Variants in MGAM observed in about 807,000 individuals in gnomAD.
MGAM encodes alpha-1,4-glucosidase.
A neutral mutation model predicts 358.8 loss-of-function variants in MGAM; 253 were observed. The observed-to-expected ratio is 0.71, with a 90% CI of 0.64 to 0.78. The LOEUF is 0.78. Ranked by LOEUF, MGAM falls within the 30% of genes least tolerant of loss-of-function variation. The pLI is 0.00. For synonymous variants in MGAM, 1,105 were observed against 1,227.1 expected (o/e 0.90, Z 2.08); for missense variants, 3,080 against 3,432.6 (o/e 0.90, Z 2.57).
chr7:142,048,103 C>A (rs886982953), intron 22 of MGAM, among the ~76,000 whole-genome samples: 6 of 151,156 alleles, frequency 4.0e-5, no homozygotes, highest in Non-Finnish European at 5.9e-5. Flanking sequence ...ACAGTGATAT[C>A]TATAATAGGC....
chr7:142,002,481 A>G (rs1164150439), intron 1 of MGAM, among the ~76,000 whole-genome samples: 4 of 152,172 alleles, frequency 2.6e-5, no homozygotes, highest in African/African-American at 9.7e-5. Flanking sequence ...CCATATGATC[A>G]TATCAATAGA....
At chr7:141,995,268 A>G (rs1404839603), upstream of MGAM, among the ~76,000 whole-genome samples, 1 of 151,598 alleles carries the variant, frequency 6.6e-6, no homozygotes, top group African/African-American at 2.4e-5. Context: ...AATCCCCTAG[A>G]AAACATAATT....
At chr7:142,102,198 C>A (rs1188837522) in intron 68 of MGAM, among the ~76,000 whole-genome samples, 1 of 152,112 alleles carries the variant, frequency 6.6e-6, no homozygotes, top group Non-Finnish European at 1.5e-5. Flanking sequence ...CACCAAGACA[C>A]CAGTGTTGGT....
chr7:142,094,939 T>G (rs1815758663), intron 63 of MGAM, 76 bp downstream of exon 63: 1 of 1,442,972 alleles, frequency 6.9e-7, no homozygotes, highest in African/African-American at 1.5e-5. Flanking sequence ...TAATGCAGTC[T>G]GTATTTCCTG....
In MGAM at chr7:142,082,183, G is replaced by C. The variant is rs1814361252; in HGVS notation, c.6144G>C (p.Gly2048=). 1 of 1,555,068 alleles carries C rather than the reference G, an allele frequency of 6.4e-7. No individual in the cohort carries two copies. Among genetic ancestry groups the C allele is most frequent in the African/African-American group, 1.3e-5 (1 of 74,540 alleles). The change falls in exon 51 of 71, where the codon GGG becomes GGC. Residue 2048 remains glycine, a synonymous_variant. Coordinates refer to ENST00000475668, the MANE Select transcript of MGAM (RefSeq NM_001365693.1). ...YRRDLEWHTW[G]MFSRDQPPGY... ...GAGACTTGGAGTGGCACACTTGGGG[G>C]ATGTTCTCCCGAGACCAGCCCCCAG...
rs539744582 is a variant in MGAM at position 141,986,898 on chromosome 7, T to C, written c.-2-18631T>C. 9.3e-4 allele frequency among the ~76,000 whole-genome samples: 142 copies of C among 152,114 alleles called. 1 individual carries two copies. The highest frequency in any genetic ancestry group is 1.2e-3 in the Non-Finnish European group (82 of 67,974). Reference sequence around the variant, plus strand: ...GAACTCAATGGGGATGCCAAACAATTGGGAGGGACTTTGTGGAGATTTGGA... The same window carrying C: ...GAACTCAATGGGGATGCCAAACAATCGGGAGGGACTTTGTGGAGATTTGGA... On this transcript the variant is annotated intron_variant, in intron 2 of 5. Coordinates refer to the MGAM transcript ENST00000465654.
chr7:142,009,404 C>T (rs1420366975), intron 3 of MGAM, among the ~76,000 whole-genome samples: 2 of 152,092 alleles, frequency 1.3e-5, no homozygotes, highest in East Asian at 1.9e-4. Flanking sequence ...TCATATTGTG[C>T]AAGTTACTCA....
chr7:142,068,202 T>G (rs1813014620), intron 42 of MGAM, among the ~76,000 whole-genome samples: 1 of 136,722 alleles, frequency 7.3e-6, no homozygotes, highest in Non-Finnish European at 1.7e-5. Context: ...TTTCACTGTA[T>G]TAGCCAGGAT....
chr7:142,069,080 C>A (rs1345985732), intron 43 of MGAM, among the ~76,000 whole-genome samples: 1 of 146,172 alleles, frequency 6.8e-6, no homozygotes, highest in African/African-American at 2.4e-5. Context: ...GATATCTTTG[C>A]CTGCTGTAAG....
intron 21 of MGAM, 107 bp from the exon 22 acceptor site, chr7:142,047,678 C>A: frequency 9.8e-7 from 1 of 1,020,126 alleles, no homozygotes; most frequent in Non-Finnish European, 1.5e-6. Context: ...GCAGAACCAT[C>A]TGCTGCTAGT....
Position 142,041,942 on chromosome 7 carries a change from A to ATG in MGAM, c.2498+1097_2498+1098insGT, listed in dbSNP as rs1391486609. Among the ~76,000 whole-genome samples the ATG allele has an allele frequency of 8.9e-3, 150 of 16,898 alleles. 15 individuals carry two copies. Among genetic ancestry groups the ATG allele is most frequent in the African/African-American group, 0.023 (146 of 6,306 alleles). 11.1% of individuals were successfully genotyped at this position (16,898 alleles called of 152,430 possible). A position where few individuals can be genotyped will look rare whatever the true frequency, so the allele number is the denominator to read the frequency against. ...GTATAATATATAATATATATATTATATATATACATATATATAATATATATA... is the reference window on the plus strand; with the variant it reads ...GTATAATATATAATATATATATTATATGTATATACATATATATAATATATATA... On this transcript the variant is annotated intron_variant, in intron 21 of 70. Transcript: ENST00000475668.
chr7:142,013,884 T>G (rs1805781923), intron 3 of MGAM, among the ~76,000 whole-genome samples: 1 of 152,156 alleles, frequency 6.6e-6, no homozygotes. Context: ...TTTTACTACT[T>G]TCTGTTTGCT....
At chr7:142,077,061 C>T (rs1813812004) in intron 47 of MGAM, among the ~76,000 whole-genome samples, 1 of 145,274 alleles carries the variant, frequency 6.9e-6, no homozygotes, top group Non-Finnish European at 1.6e-5. Context: ...GTGTTCCCAT[C>T]TCTCTAGCTG....
rs1563119490 is a variant in MGAM, at chr7:142,021,097, TA to T, written c.558+15del. Reference sequence around the variant, plus strand: ...TTCCACTTTAAGGTTGTAATTTGTTTATTTTTTTTTAAGTTTTTTTGAGAGA... The same window carrying T: ...TTCCACTTTAAGGTTGTAATTTGTTTTTTTTTTTTAAGTTTTTTTGAGAGA... On this transcript the variant is annotated intron_variant, in intron 5 of 70. Transcript: ENST00000475668. 7 of 1,565,012 alleles carry T rather than the reference TA, an allele frequency of 4.5e-6. No homozygotes were observed. Among genetic ancestry groups the T allele is most frequent in the Admixed American group, 2.0e-5 (1 of 50,756 alleles).
In MGAM at chr7:142,020,954, T is replaced by C. The variant is rs568598146; in HGVS notation, c.449-20T>C. The C allele has an allele frequency of 2.0e-5, 31 of 1,532,666 alleles. No individual in the cohort carries two copies. In the African/African-American group the frequency reaches 3.8e-4, roughly 19 times the overall value. The allele number at this position is 1,532,666 out of a possible 1,614,324, so 94.9% of individuals were successfully genotyped here. ...ATTTGCAGAGTCAACTATGAAAACC[T>C]TTTTTTTCTCCTATGTTAGGATTCA... On this transcript the variant is annotated intron_variant, in intron 4 of 70. Transcript: ENST00000475668.
intron 53 of MGAM, among the ~76,000 whole-genome samples, chr7:142,083,673 T>C (rs1814516725): frequency 6.9e-6 from 1 of 145,190 alleles, no homozygotes; most frequent in South Asian, 2.2e-4. Flanking sequence ...GTGGTATTTG[T>C]GGTTATATGG....
At position 142,056,067 on chromosome 7, in the gene MGAM, G is replaced by C; in HGVS notation, c.3551G>C (p.Gly1184Ala). Reference protein sequence around the residue: ...MGLEEDGSAHGVLLLNSNAMD... With the variant: ...MGLEEDGSAHAVLLLNSNAMD... ...CTGGAGGAGGACGGCAGTGCCCATG[G>C]AGTGCTCCTGCTGAACAGCAATGCC... is the stretch of plus-strand genomic sequence containing the variant. The change falls in exon 29 of 71, where the codon GGA becomes GCA. Residue 1184 changes from glycine (G) to alanine (A), a missense_variant. Physicochemically the swap from Gly to Ala is moderately conservative, Grantham distance 60 (BLOSUM62 0). Coordinates refer to ENST00000475668, the MANE Select transcript of MGAM (RefSeq NM_001365693.1). 1 of 1,610,124 alleles carries C rather than the reference G, an allele frequency of 6.2e-7. No homozygotes were observed. Among genetic ancestry groups the C allele is most frequent in the Non-Finnish European group, 8.5e-7 (1 of 1,178,364 alleles).
At position 142,067,843 on chromosome 7, in the gene MGAM, A is replaced by G. The variant is rs552988007; in HGVS notation, c.5004+418A>G. 3.1e-5 allele frequency among the ~76,000 whole-genome samples: 4 copies of G among 127,680 alleles called. No individual in the cohort carries two copies. The East Asian group carries it at 6.9e-4, about 22-fold the overall frequency. The allele number at this position is 127,680 out of a possible 152,430, so 83.8% of individuals were successfully genotyped here. Reference sequence around the variant, plus strand: ...TGCTGGCTAACCCTTCCCTTCCTCTACAGGAGCTCCTCCCAGCAGTAAAAG... The same window carrying G: ...TGCTGGCTAACCCTTCCCTTCCTCTGCAGGAGCTCCTCCCAGCAGTAAAAG... On this transcript the variant is annotated intron_variant, in intron 42 of 70. Transcript: ENST00000475668.
intron 5 of MGAM, among the ~76,000 whole-genome samples, chr7:142,021,321 T>A (rs966090975): frequency 3.3e-5 from 5 of 152,314 alleles, no homozygotes; most frequent in Non-Finnish European, 7.4e-5. Flanking sequence ...TTACTCTAGA[T>A]AACATGTGGA....
Sources: gnomAD v4.1 joint callset for allele counts (sites outside exome capture counted in the v4.1 genomes callset) on GRCh38, gnomAD v4.1.1 for gene constraint, MANE v1.5 for transcripts, NCBI Gene and HGNC (gene_info 2026-07-23, HGNC 2026-07-21) for gene names.